ACOT7: variants seen among roughly 807,000 people sequenced by gnomAD.
ACOT7 encodes acyl-CoA thioesterase 7.
A neutral mutation model predicts 40.2 loss-of-function variants in ACOT7; 12 were observed. That is an observed-to-expected ratio of 0.30 (90% CI 0.19 to 0.48). The LOEUF (loss-of-function observed/expected upper bound fraction) is 0.48. ACOT7 is among the 20% of genes least tolerant of loss of function. The probability of loss-of-function intolerance (pLI) is 0.99; values close to 1 mark genes in which losing one functional copy is unlikely to be tolerated. For synonymous variants in ACOT7, 228 were observed against 219.5 expected (o/e 1.04, Z -0.34); for missense variants, 395 against 530.8 (o/e 0.74, Z 2.51).
intron 8 of ACOT7, among the ~76,000 whole-genome samples, chr1:6,268,726 C>T (rs921726364): frequency 6.6e-6 from 1 of 152,264 alleles, no homozygotes; most frequent in Non-Finnish European, 1.5e-5. Context: ...AGAAAACCTC[C>T]AGGGCTTCAT....
intron 1 of ACOT7, 45 bp from the exon 2 acceptor site, chr1:6,349,911 A>G: frequency 6.3e-7 from 1 of 1,583,438 alleles, no homozygotes; most frequent in Non-Finnish European, 8.7e-7. Flanking sequence ...AGAGGATGCC[A>G]TTTGTGCAAC....
At position 6,358,706 on chromosome 1, in the gene ACOT7, G is replaced by A. The variant is rs549829290; in HGVS notation, c.144-8840C>T. On this transcript the variant is annotated intron_variant, in intron 1 of 8. Coordinates refer to ENST00000361521, the MANE Select transcript of ACOT7 (RefSeq NM_007274.4). This position sits in a 1 kb window ranked among gnomAD's most constrained non-coding sequence, Gnocchi z 4.1. ...TGCCCTTCCTGGCTGCATGACACCA[G>A]CCAGCCTGCTGGGCACAGGGGCCGA... The A allele has an allele frequency of 4.9e-4, 513 of 1,036,834 alleles. 8 individuals carry two copies. The South Asian group carries it at 7.1e-3, about 14-fold the overall frequency. The allele number at this position is 1,036,834 out of a possible 1,614,324, so 64.2% of individuals were successfully genotyped here.
intron 5 of ACOT7, among the ~76,000 whole-genome samples, chr1:6,323,132 A>G (rs1279053925): frequency 6.6e-6 from 1 of 151,276 alleles, no homozygotes; most frequent in Non-Finnish European, 1.5e-5. Context: ...CGCCGTCTCA[A>G]AAAAAAAAGA....
intron 1 of ACOT7, among the ~76,000 whole-genome samples, chr1:6,369,112 T>A (rs1642076333): frequency 1.3e-5 from 2 of 151,760 alleles, no homozygotes; most frequent in African/African-American, 4.8e-5. Context: ...GCCTCCTGAG[T>A]AGCTGGGATT....
chr1:6,324,291 G>GTCTCTAAT (rs1640739835), intron 5 of ACOT7, among the ~76,000 whole-genome samples: 1 of 152,160 alleles, frequency 6.6e-6, no homozygotes, highest in Non-Finnish European at 1.5e-5. Context: ...ATATTTAAAA[G>GTCTCTAAT]CCGAGTCTCT....
intron 3 of ACOT7, among the ~76,000 whole-genome samples, chr1:6,334,942 C>G (rs536833043): frequency 6.6e-6 from 1 of 151,922 alleles, no homozygotes; most frequent in East Asian, 1.9e-4. Flanking sequence ...TCCCAGCACT[C>G]TGGGAGGCTG....
At chr1:6,345,955 C>T (rs1036633048) in intron 2 of ACOT7, among the ~76,000 whole-genome samples, 1 of 152,212 alleles carries the variant, frequency 6.6e-6, no homozygotes, top group African/African-American at 2.4e-5. Context: ...TGCCTAAGCA[C>T]GCTCTATGCT....
At chr1:6,350,621 A>G (rs572865050) in intron 1 of ACOT7, among the ~76,000 whole-genome samples, 339 of 152,368 alleles carry the variant, frequency 2.2e-3, no homozygotes, top group Non-Finnish European at 3.6e-3. Flanking sequence ...CTTCCCAGAC[A>G]GCACCCAGCT....
rs1436422625 is a variant in ACOT7, at chr1:6,392,574, T to C, written c.143+683A>G. Among the ~76,000 whole-genome samples the C allele has an allele frequency of 2.6e-5, 4 of 152,174 alleles. No individual in the cohort carries two copies. In the East Asian group the frequency reaches 7.7e-4, roughly 29 times the overall value. ...AGGGGGTGCTCTAGAAGGACAACCC[T>C]TTGCCTCTATTGTGTAAGATGCTTT... On this transcript the variant is annotated intron_variant, in intron 1 of 8. Coordinates refer to ENST00000361521, the MANE Select transcript of ACOT7 (RefSeq NM_007274.4).
chr1:6,341,502 G>A (rs1401538893), intron 2 of ACOT7, among the ~76,000 whole-genome samples: 1 of 152,136 alleles, frequency 6.6e-6, no homozygotes, highest in Admixed American at 6.5e-5. Flanking sequence ...CAGCACTTCG[G>A]GAGGCCAAGG....
At chr1:6,349,042 GCC>G (rs1641514192) in intron 2 of ACOT7, among the ~76,000 whole-genome samples, 3 of 152,174 alleles carry the variant, frequency 2.0e-5, no homozygotes, top group Admixed American at 6.5e-5. Context: ...CAAGGCAGAC[GCC>G]CTGTCCTCAG....
chr1:6,265,734 A>G (rs933781584), intron 8 of ACOT7, among the ~76,000 whole-genome samples: 2 of 152,188 alleles, frequency 1.3e-5, no homozygotes, highest in African/African-American at 4.8e-5. Flanking sequence ...TTCAGGTTTA[A>G]TGAGCTGTGC....
At position 6,302,983 on chromosome 1, in the gene ACOT7, C is replaced by T. The variant is rs555871212; in HGVS notation, c.713-8003G>A. On this transcript the variant is annotated intron_variant, in intron 6 of 8. Transcript: ENST00000361521. ...AAACATAGTGCCTTCCTCACAACTG[C>T]CTTTCTTGCCACCACTGTCCACCTG... 3.9e-5 allele frequency among the ~76,000 whole-genome samples: 6 copies of T among 152,360 alleles called. No individual in the cohort carries two copies. In the South Asian group the frequency reaches 1.2e-3, roughly 32 times the overall value.
intron 8 of ACOT7, 28 bp from the exon 9 acceptor site, chr1:6,264,723 G>T (rs759822992): frequency 1.9e-6 from 3 of 1,608,952 alleles, no homozygotes; most frequent in Non-Finnish European, 2.5e-6. Flanking sequence ...AGACAGGCAG[G>T]TTAGGGTCAC....
At chr1:6,305,328 C>T (rs1294678149) in intron 6 of ACOT7, among the ~76,000 whole-genome samples, 1 of 141,578 alleles carries the variant, frequency 7.1e-6, no homozygotes, top group African/African-American at 2.7e-5. Context: ...GGCGGCCGGG[C>T]AGAGGCGCCC....
At chr1:6,364,889 G>A (rs1318516387) in intron 1 of ACOT7, among the ~76,000 whole-genome samples, 1 of 150,748 alleles carries the variant, frequency 6.6e-6, no homozygotes, top group Non-Finnish European at 1.5e-5. Flanking sequence ...CAGGCATGGT[G>A]GTGGGAGCCT....
At chr1:6,276,397 G>A (rs1027448037) in intron 8 of ACOT7, among the ~76,000 whole-genome samples, 14 of 152,098 alleles carry the variant, frequency 9.2e-5, no homozygotes, top group Non-Finnish European at 1.8e-4. Flanking sequence ...CTGCCTCTAC[G>A]CGCTGAGTTG....
intron 1 of ACOT7, among the ~76,000 whole-genome samples, chr1:6,379,314 C>G (rs985332214): frequency 1.3e-5 from 2 of 151,946 alleles, no homozygotes; most frequent in Non-Finnish European, 2.9e-5. Flanking sequence ...TGACGGCAAG[C>G]AAGTAGCTCC....
chr1:6,278,440 C>T lies in ACOT7; in HGVS notation c.1014+2662G>A, dbSNP rs1057086903. ...TGGGGACGGGGCAGTAAGAGCTGTT[C>T]GGGAGAGGAGTGGAGCGGCACTGGG... is the stretch of plus-strand genomic sequence containing the variant. On this transcript the variant is annotated intron_variant, in intron 8 of 8. Coordinates refer to ENST00000361521, the MANE Select transcript of ACOT7 (RefSeq NM_007274.4). This position sits in a 1 kb window ranked among gnomAD's most constrained non-coding sequence, Gnocchi z 4.1. Among the ~76,000 whole-genome samples the T allele has an allele frequency of 6.6e-6, 1 of 151,940 alleles. No homozygotes were observed. The highest frequency in any genetic ancestry group is 6.6e-5 in the Admixed American group (1 of 15,254).
Sources: gnomAD v4.1 joint callset for allele counts (sites outside exome capture counted in the v4.1 genomes callset) on GRCh38, gnomAD v4.1.1 for gene constraint, Gnocchi (gnomAD v3.1) non-coding constraint, MANE v1.5 for transcripts, NCBI Gene and HGNC (gene_info 2026-07-23, HGNC 2026-07-21) for gene names.